Variants in ANKRD65 observed in about 807,000 individuals in gnomAD.
ANKRD65 encodes ankyrin repeat domain 65, also known as ankyrin repeat domain-containing protein 65.
ANKRD65 carries 26 observed loss-of-function variants against 17.2 expected under a neutral mutation model. The ratio of observed to expected loss-of-function variants is 1.51; its 90% CI spans 1.11 to 2.09. The LOEUF (loss-of-function observed/expected upper bound fraction) is 2.09. Ranked by LOEUF, ANKRD65 falls within the 30% of genes most tolerant of loss-of-function variation. The pLI is 0.00. For missense variants in ANKRD65, 621 were observed against 542.2 expected, an observed-to-expected ratio of 1.15 and a Z score of -1.44; for synonymous variants, 311 against 272.2, an observed-to-expected ratio of 1.14 and a Z score of -1.40.
In ANKRD65 at chr1:1,419,117, T is replaced by C. The variant is rs1483335644; in HGVS notation, c.1183A>G (p.Ile395Val). ...LGGGEKECEG[I>V]ESTG ...TGTCTGGCTCAGCCCGTGGACTCTATGCCCTCACACTCCTTCTCCCCCCCT... is the reference window on the plus strand; with the variant it reads ...TGTCTGGCTCAGCCCGTGGACTCTACGCCCTCACACTCCTTCTCCCCCCCT... The change falls in exon 4 of 4, where the codon ATA (isoleucine) becomes GTA (valine). Residue 395 changes from isoleucine to valine, a missense_variant. Coordinates refer to ENST00000537107, the MANE Select transcript of ANKRD65 (RefSeq NM_001145210.3). 1.3e-6 allele frequency: 2 copies of C among 1,516,128 alleles called. No individual in the cohort carries two copies. The highest frequency in any genetic ancestry group is 2.5e-5 in the East Asian group (1 of 40,372). The allele number at this position is 1,516,128 out of a possible 1,614,324, so 93.9% of individuals were successfully genotyped here. A position where few individuals can be genotyped will look rare whatever the true frequency, so the allele number is the denominator to read the frequency against.
intron 2 of ANKRD65, 83 bp downstream of exon 2, chr1:1,420,714 G>A: frequency 1.4e-6 from 2 of 1,442,578 alleles, no homozygotes; most frequent in Non-Finnish European, 1.8e-6. Context: ...CCAGAGAAGG[G>A]ACTCCTCCAC....
chr1:1,419,986 G>A lies in ANKRD65; in HGVS notation c.750+66C>T, dbSNP rs1645516171. 3 of 1,209,614 alleles carry A rather than the reference G, an allele frequency of 2.5e-6. No homozygotes were observed. In the African/African-American group the frequency reaches 4.8e-5, roughly 19 times the overall value. 74.9% of individuals were successfully genotyped at this position (1,209,614 alleles called of 1,614,324 possible). A position where few individuals can be genotyped will look rare whatever the true frequency, so the allele number is the denominator to read the frequency against. On this transcript the variant is annotated intron_variant, in intron 3 of 3. Coordinates refer to ENST00000537107, the MANE Select transcript of ANKRD65 (RefSeq NM_001145210.3). ...CAGCCTGGCTCCAGCTGCCCCGGTGGCACGTCTCTGGGGATCCTGGCCCTG... is the reference window on the plus strand; with the variant it reads ...CAGCCTGGCTCCAGCTGCCCCGGTGACACGTCTCTGGGGATCCTGGCCCTG...
intron 3 of ANKRD65, among the ~76,000 whole-genome samples, 162 bp downstream of exon 3, chr1:1,419,890 C>T (rs570734302): frequency 6.6e-6 from 1 of 152,244 alleles, no homozygotes; most frequent in African/African-American, 2.4e-5. Context: ...CTGGTCTCCA[C>T]GGGACGGGGC....
Position 1,420,032 on chromosome 1 carries a change from G to A in ANKRD65, c.750+20C>T. On this transcript the variant is annotated intron_variant, in intron 3 of 3. Coordinates refer to ENST00000537107, the MANE Select transcript of ANKRD65 (RefSeq NM_001145210.3). ...CCCTGCGCCCCCTCCCATCACTGCC[G>A]GGCGGAGGGCGGGACGTACCTGGGA... is the stretch of plus-strand genomic sequence containing the variant. 3.2e-6 allele frequency: 4 copies of A among 1,265,862 alleles called. No individual in the cohort carries two copies. Among genetic ancestry groups the A allele is most frequent in the Non-Finnish European group, 4.0e-6 (4 of 1,005,016 alleles). The allele number at this position is 1,265,862 out of a possible 1,614,324, so 78.4% of individuals were successfully genotyped here.
rs753387302 is a variant in ANKRD65, at chr1:1,419,533, A to C, written c.767T>G (p.Leu256Arg). ...GATGCCTGGGTCTGCCCCGTGGCCC[A>C]GCAGCACCTCAATGTCCTAGAAGAG... is the stretch of plus-strand genomic sequence containing the variant. The part of the protein sequence containing the change: ...LGRSQDIEVL[L>R]GHGADPGIRD... Residue 256 changes from leucine (L) to arginine (R), a missense_variant, in exon 4 of 4, where the codon CTG (leucine) becomes CGG (arginine). Leu to Arg is a moderately radical substitution (Grantham distance 102). Transcript: ENST00000537107. 2 of 1,534,068 alleles carry C rather than the reference A, an allele frequency of 1.3e-6. No individual in the cohort carries two copies. The highest frequency in any genetic ancestry group is 2.4e-5 in the South Asian group (2 of 83,672).
At position 1,420,259 on chromosome 1, in the gene ANKRD65, C is replaced by G; in HGVS notation, c.543G>C (p.Ala181=). 1.0e-6 allele frequency: 1 copy of G among 999,204 alleles called. No individual in the cohort carries two copies. Among genetic ancestry groups the G allele is most frequent in the Non-Finnish European group, 1.2e-6 (1 of 841,320 alleles). 61.9% of individuals were successfully genotyped at this position (999,204 alleles called of 1,614,324 possible). A position where few individuals can be genotyped will look rare whatever the true frequency, so the allele number is the denominator to read the frequency against. ...EAEDARGWTA[A]HWAAAGGRLA... is the part of the protein sequence containing the mutation. ...GCCGCCCGCCCGCGGCCGCCCAGTG[C>G]GCCGCCGTCCAGCCGCGCGCGTCCT... The change falls in exon 3 of 4, where the codon GCG becomes GCC. Residue 181 remains alanine, a synonymous_variant. Coordinates refer to ENST00000537107, the MANE Select transcript of ANKRD65 (RefSeq NM_001145210.3).
Position 1,419,083 on chromosome 1 carries a change from G to A in ANKRD65, c.*17C>T, listed in dbSNP as rs530181812. 6.8e-7 allele frequency: 1 copy of A among 1,471,476 alleles called. No individual in the cohort carries two copies. The highest frequency in any genetic ancestry group is 2.5e-5 in the East Asian group (1 of 39,972). 91.2% of individuals were successfully genotyped at this position (1,471,476 alleles called of 1,614,324 possible). A position where few individuals can be genotyped will look rare whatever the true frequency, so the allele number is the denominator to read the frequency against. ...GGAAATCACTGGGGCGGTGGAGCCT[G>A]GAGCCTGCTGTCTGGCTCAGCCCGT... On this transcript the variant is annotated 3_prime_UTR_variant, in exon 4 of 4. Transcript: ENST00000537107.
At position 1,420,144 on chromosome 1, in the gene ANKRD65, G is replaced by A. The variant is rs1482265430; in HGVS notation, c.658C>T (p.Arg220Cys). The change falls in exon 3 of 4, where the codon CGC becomes TGC. Residue 220 changes from arginine to cysteine, a missense_variant. Transcript: ENST00000537107. ...AAAAGRGAALRFLLARGARVD... is the reference protein window; with the variant it reads ...AAAAGRGAALCFLLARGARVD... The stretch of plus-strand genomic sequence containing the variant: ...CGCGCCCCGCGCGCCAGGAGGAAGC[G>A]CAGCGCCGCCCCGCGCCCCGCAGCG... 7.4e-6 allele frequency: 9 copies of A among 1,212,574 alleles called. 1 individual carries two copies. The South Asian group carries it at 2.3e-4, about 31-fold the overall frequency. The allele number at this position is 1,212,574 out of a possible 1,614,324, so 75.1% of individuals were successfully genotyped here.
chr1:1,420,187 G>C lies in ANKRD65; in HGVS notation c.615C>G (p.Gly205=). 1 of 1,018,986 alleles carries C rather than the reference G, an allele frequency of 9.8e-7. No homozygotes were observed. Among genetic ancestry groups the C allele is most frequent in the Non-Finnish European group, 1.2e-6 (1 of 853,828 alleles). 63.1% of individuals were successfully genotyped at this position (1,018,986 alleles called of 1,614,324 possible). Residue 205 remains glycine, a synonymous_variant, in exon 3 of 4, where the codon GGC becomes GGG. Transcript: ENST00000537107. ...LLAAGGAGLD[G]ALLVAAAAGR... is the part of the protein sequence containing the mutation. ...CCGCAGCGGCAGCCACGAGCAGGGCGCCGTCCAGGCCCGCGCCGCCGGCCG... is the reference window on the plus strand; with the variant it reads ...CCGCAGCGGCAGCCACGAGCAGGGCCCCGTCCAGGCCCGCGCCGCCGGCCG...
rs889512148 is a variant in ANKRD65 at position 1,420,999 on chromosome 1, A to T, written c.7T>A (p.Ser3Thr). The T allele has an allele frequency of 4.5e-6, 7 of 1,550,072 alleles. No homozygotes were observed. The highest frequency in any genetic ancestry group is 6.1e-6 in the Non-Finnish European group (7 of 1,146,884). Reference sequence around the variant, plus strand: ...TCCTCTCTGGGCTCAGGCCTCTGGGAGTCCATCTGGGGGGGAGCAGGGATC... The same window carrying T: ...TCCTCTCTGGGCTCAGGCCTCTGGGTGTCCATCTGGGGGGGAGCAGGGATC... MD[S>T]QRPEPREEEE... The change falls in exon 2 of 4, where the codon TCC becomes ACC. Residue 3 changes from serine to threonine, a missense_variant. Physicochemically the swap from Ser to Thr is moderately conservative, Grantham distance 58. Transcript: ENST00000537107.
Position 1,419,115 on chromosome 1 carries a change from T to C in ANKRD65, c.1185A>G (p.Ile395Met), listed in dbSNP as rs141533546. The change falls in exon 4 of 4, where the codon ATA becomes ATG. Residue 395 changes from isoleucine (I) to methionine (M), a missense_variant. Coordinates refer to ENST00000537107, the MANE Select transcript of ANKRD65 (RefSeq NM_001145210.3). ...GCTGTCTGGCTCAGCCCGTGGACTC[T>C]ATGCCCTCACACTCCTTCTCCCCCC... ...LGGGEKECEG[I>M]ESTG 1,837 of 1,514,822 alleles carry C rather than the reference T, an allele frequency of 1.2e-3. 9 individuals carry two copies. In the African/African-American group the frequency reaches 0.012, roughly 10 times the overall value. 93.8% of individuals were successfully genotyped at this position (1,514,822 alleles called of 1,614,324 possible).
At position 1,419,387 on chromosome 1, in the gene ANKRD65, G is replaced by T. The variant is rs749981272; in HGVS notation, c.913C>A (p.Pro305Thr). 6.5e-7 allele frequency: 1 copy of T among 1,550,120 alleles called. No individual in the cohort carries two copies. Among genetic ancestry groups the T allele is most frequent in the Non-Finnish European group, 8.7e-7 (1 of 1,146,840 alleles). The change falls in exon 4 of 4, where the codon CCC (proline) becomes ACC (threonine). Residue 305 changes from proline (P) to threonine (T), a missense_variant. By Grantham distance (38) the Pro-to-Thr change is conservative (BLOSUM62 -1). Transcript: ENST00000537107. ...CCTTCCCGAGAGGCGTGATGCAGGG[G>T]TGTGAGGCCCAGGGTGTCCCGCGCA... ...VDARDTLGLT[P>T]LHHASREGHV...
chr1:1,421,047 T>C lies in ANKRD65; in HGVS notation c.1-42A>G, dbSNP rs1274374208. ...ATCCTACATCCACTGTGGAGGCCTC[T>C]GGCCTGCCCCCAGCCGTGTCCCAGG... On this transcript the variant is annotated intron_variant, in intron 1 of 3. Coordinates refer to ENST00000537107, the MANE Select transcript of ANKRD65 (RefSeq NM_001145210.3). 5.2e-6 allele frequency: 8 copies of C among 1,531,860 alleles called. No homozygotes were observed. The South Asian group carries it at 9.6e-5, about 18-fold the overall frequency. The allele number at this position is 1,531,860 out of a possible 1,614,324, so 94.9% of individuals were successfully genotyped here. A position where few individuals can be genotyped will look rare whatever the true frequency, so the allele number is the denominator to read the frequency against.
intron 2 of ANKRD65, 80 bp downstream of exon 2, chr1:1,420,717 T>C: frequency 8.5e-7 from 1 of 1,170,082 alleles, no homozygotes; most frequent in African/African-American, 1.8e-5. Context: ...GAGAAGGGAC[T>C]CCTCCACCCA....
In ANKRD65 at chr1:1,421,025, C is replaced by T; in HGVS notation, c.1-20G>A. The T allele has an allele frequency of 6.5e-7, 1 of 1,549,614 alleles. No individual in the cohort carries two copies. Among genetic ancestry groups the T allele is most frequent in the Non-Finnish European group, 8.7e-7 (1 of 1,146,492 alleles). On this transcript the variant is annotated intron_variant, in intron 1 of 3. Coordinates refer to ENST00000537107, the MANE Select transcript of ANKRD65 (RefSeq NM_001145210.3). ...GTCCATCTGGGGGGGAGCAGGGATC[C>T]TACATCCACTGTGGAGGCCTCTGGC...
rs1645517597 is a variant in ANKRD65, at chr1:1,420,049, T to C, written c.750+3A>G. ...TCACTGCCGGGCGGAGGGCGGGACGTACCTGGGAGCGGCCTAGGGCGGCCG... is the reference window on the plus strand; with the variant it reads ...TCACTGCCGGGCGGAGGGCGGGACGCACCTGGGAGCGGCCTAGGGCGGCCG... On this transcript the variant is annotated splice_donor_region_variant and intron_variant, in intron 3 of 3. Coordinates refer to ENST00000537107, the MANE Select transcript of ANKRD65 (RefSeq NM_001145210.3). 7.9e-7 allele frequency: 1 copy of C among 1,269,208 alleles called. No individual in the cohort carries two copies. The highest frequency in any genetic ancestry group is 9.9e-7 in the Non-Finnish European group (1 of 1,007,448). 78.6% of individuals were successfully genotyped at this position (1,269,208 alleles called of 1,614,324 possible).
At chr1:1,419,630 G>A in intron 3 of ANKRD65, 81 bp from the exon 4 acceptor site, 1 of 1,309,430 alleles carries the variant, frequency 7.6e-7, no homozygotes, top group East Asian at 2.5e-5. Flanking sequence ...CCCAGCCCAG[G>A]CCTCTTCTGT....
chr1:1,420,841 G>A lies in ANKRD65; in HGVS notation c.165C>T (p.Gly55=). The change falls in exon 2 of 4, where the codon GGC becomes GGT. Residue 55 remains glycine (G), a synonymous_variant. Coordinates refer to ENST00000537107, the MANE Select transcript of ANKRD65 (RefSeq NM_001145210.3). ...CTTGCCGCAGCAGCTGCGTCACCAG[G>A]CCTGCAGGGCCCCTCCACACGGCCT... ...LLQAVWRGPA[G]LVTQLLRQGA... 1 of 1,549,494 alleles carries A rather than the reference G, an allele frequency of 6.5e-7. No individual in the cohort carries two copies. Among genetic ancestry groups the A allele is most frequent in the Non-Finnish European group, 8.7e-7 (1 of 1,146,914 alleles).
In ANKRD65 at chr1:1,420,406, C is replaced by A; in HGVS notation, c.396G>T (p.Ser132=). 2 of 1,320,450 alleles carry A rather than the reference C, an allele frequency of 1.5e-6. No individual in the cohort carries two copies. Among genetic ancestry groups the A allele is most frequent in the South Asian group, 1.7e-5 (1 of 58,728 alleles). The allele number at this position is 1,320,450 out of a possible 1,614,324, so 81.8% of individuals were successfully genotyped here. A position where few individuals can be genotyped will look rare whatever the true frequency, so the allele number is the denominator to read the frequency against. ...VAELLLQRGA[S]AAARSGTGLT... is the part of the protein sequence containing the mutation. ...GGCCCGTCCCGGAGCGAGCCGCCGC[C>A]GAGGCCCCGCGCTGCAGCAGCAGCT... Residue 132 remains serine (S), a synonymous_variant, in exon 3 of 4, where the codon TCG becomes TCT. Coordinates refer to ENST00000537107, the MANE Select transcript of ANKRD65 (RefSeq NM_001145210.3).
Sources: gnomAD v4.1 joint callset for allele counts (sites outside exome capture counted in the v4.1 genomes callset) on GRCh38, gnomAD v4.1.1 for gene constraint, MANE v1.5 for transcripts, NCBI Gene and HGNC (gene_info 2026-07-23, HGNC 2026-07-21) for gene names.